KCNH1: variants seen among roughly 807,000 people sequenced by gnomAD.
KCNH1 encodes the protein potassium voltage-gated channel subfamily H member 1, also known as voltage-gated delayed rectifier potassium channel KCNH1.
In KCNH1, 27 loss-of-function variants were observed where a neutral mutation model predicts 69.2. The observed-to-expected ratio is 0.39, with a 90% CI of 0.29 to 0.54. The LOEUF is 0.54. Among genes scored for constraint, KCNH1 ranks in the 20% least tolerant of loss-of-function variants. The probability of loss-of-function intolerance (pLI) is 0.68; values close to 1 mark genes in which losing one functional copy is unlikely to be tolerated. For synonymous variants in KCNH1, 456 were observed against 487.7 expected (o/e 0.93, Z 0.86); for missense variants, 798 against 1,261.6 (o/e 0.63, Z 5.57).
intron 7 of KCNH1, among the ~76,000 whole-genome samples, chr1:210,846,013 A>G (rs1421791241): frequency 6.6e-6 from 1 of 152,232 alleles, no homozygotes; most frequent in Non-Finnish European, 1.5e-5. Context: ...CTGGGAATCC[A>G]ACTTACAAGG....
chr1:210,997,897 A>C (rs1170563844), intron 6 of KCNH1, among the ~76,000 whole-genome samples: 1 of 152,240 alleles, frequency 6.6e-6, no homozygotes, highest in Middle Eastern at 3.2e-3. Flanking sequence ...GCAGAATTTC[A>C]TATCCAGCCA....
At chr1:210,879,442 T>G (rs1355046690) in intron 7 of KCNH1, among the ~76,000 whole-genome samples, 1 of 151,980 alleles carries the variant, frequency 6.6e-6, no homozygotes, top group African/African-American at 2.4e-5. Context: ...GCAAGGCCAG[T>G]TCAACATTCA....
At chr1:210,925,133 A>G (rs553243628) in intron 6 of KCNH1, among the ~76,000 whole-genome samples, 3 of 152,356 alleles carry the variant, frequency 2.0e-5, no homozygotes, top group South Asian at 2.1e-4. Flanking sequence ...AAGGAACACA[A>G]TAATTCTCCA....
chr1:210,928,293 C>T lies in KCNH1; in HGVS notation c.1033-8224G>A, dbSNP rs183292762. On this transcript the variant is annotated intron_variant, in intron 6 of 10. Transcript: ENST00000271751. ...GGAACATCAGCACATGGAACATTCT[C>T]CAAGATAGACCATATGATAGGCCAC... Among the ~76,000 whole-genome samples, 8 of 152,230 alleles carry T rather than the reference C, an allele frequency of 5.3e-5. No homozygotes were observed. The East Asian group carries it at 1.5e-3, about 29-fold the overall frequency.
At chr1:210,936,694 T>C (rs1221665050) in intron 6 of KCNH1, among the ~76,000 whole-genome samples, 1 of 152,208 alleles carries the variant, frequency 6.6e-6, no homozygotes, top group East Asian at 1.9e-4. Context: ...TATCCTGGCT[T>C]CCCAGCCAAT....
At chr1:210,731,667 T>C (rs1045959471) in intron 10 of KCNH1, among the ~76,000 whole-genome samples, 1 of 152,164 alleles carries the variant, frequency 6.6e-6, no homozygotes, top group African/African-American at 2.4e-5. Flanking sequence ...CCAGATTAAA[T>C]TACCTCTTTA....
intron 7 of KCNH1, chr1:210,859,553 T>C: frequency 6.3e-7 from 1 of 1,583,634 alleles, no homozygotes; most frequent in Non-Finnish European, 8.7e-7. Context: ...AAATATTCTT[T>C]CCCATCTTCA....
intron 1 of KCNH1, among the ~76,000 whole-genome samples, chr1:211,127,083 C>T (rs190040120): frequency 6.6e-6 from 1 of 152,184 alleles, no homozygotes; most frequent in Non-Finnish European, 1.5e-5. Context: ...TGTTGGCCTC[C>T]GTCATAGATT....
chr1:210,988,018 A>T (rs1328121232), intron 6 of KCNH1, among the ~76,000 whole-genome samples: 1 of 152,150 alleles, frequency 6.6e-6, no homozygotes, highest in Non-Finnish European at 1.5e-5. Flanking sequence ...GACACCTTGC[A>T]GTTTGATCTC....
At chr1:210,853,946 C>CAAAAAAAAAAAA (rs11445997) in intron 7 of KCNH1, among the ~76,000 whole-genome samples, 952 of 61,378 alleles carry the variant, frequency 0.016, 115 homozygotes, top group African/African-American at 0.033. Flanking sequence ...TTATCTAAGC[C>CAAAAAAAAAAAA]AAAAAAAAAA....
chr1:210,819,598 G>C (rs1405369144), intron 7 of KCNH1, among the ~76,000 whole-genome samples: 2 of 150,448 alleles, frequency 1.3e-5, no homozygotes, highest in African/African-American at 4.9e-5. Context: ...TAGAAAAAAA[G>C]TTTAGGAAAA....
intron 9 of KCNH1, among the ~76,000 whole-genome samples, chr1:210,795,894 G>A (rs1459393865): frequency 2.0e-5 from 3 of 151,632 alleles, no homozygotes; most frequent in African/African-American, 7.3e-5. Flanking sequence ...AGGCCAAGGC[G>A]GGCAGATCAC....
chr1:210,925,202 C>T lies in KCNH1; in HGVS notation c.1033-5133G>A, dbSNP rs116448666. Among the ~76,000 whole-genome samples the T allele has an allele frequency of 8.4e-3, 1,283 of 152,314 alleles. 8 individuals carry two copies. Among genetic ancestry groups the T allele is most frequent in the Non-Finnish European group, 0.014 (948 of 68,038 alleles). On this transcript the variant is annotated intron_variant, in intron 6 of 10. Coordinates refer to ENST00000271751, the MANE Select transcript of KCNH1 (RefSeq NM_172362.3). ...ATGTCTAAAAAGGAATTCAAAACAA[C>T]GCTCTTAAAGAAACTCAGTGAGGAT...
At chr1:210,995,897 G>T (rs1689023500) in intron 6 of KCNH1, among the ~76,000 whole-genome samples, 1 of 152,116 alleles carries the variant, frequency 6.6e-6, no homozygotes, top group South Asian at 2.1e-4. Context: ...TGTGGGGGCT[G>T]AATAGAAAAA....
At chr1:211,121,080 A>G (rs1691674969) in intron 1 of KCNH1, among the ~76,000 whole-genome samples, 2 of 152,244 alleles carry the variant, frequency 1.3e-5, no homozygotes, top group Non-Finnish European at 2.9e-5. Context: ...ACAAGAATCA[A>G]TATCATGAAA....
intron 7 of KCNH1, among the ~76,000 whole-genome samples, chr1:210,819,713 T>C (rs1342217636): frequency 6.6e-6 from 1 of 152,226 alleles, no homozygotes; most frequent in Non-Finnish European, 1.5e-5. Flanking sequence ...CTTCCACTCT[T>C]CTGTTAATAG....
At chr1:210,855,403 C>A (rs560152486) in intron 7 of KCNH1, among the ~76,000 whole-genome samples, 2 of 152,338 alleles carry the variant, frequency 1.3e-5, no homozygotes, top group East Asian at 3.9e-4. Flanking sequence ...ACTCCACCCA[C>A]TCCAGTGGCC....
At chr1:210,786,404 T>G (rs1329494431) in intron 9 of KCNH1, among the ~76,000 whole-genome samples, 3 of 152,210 alleles carry the variant, frequency 2.0e-5, no homozygotes, top group Non-Finnish European at 4.4e-5. Flanking sequence ...CACTTGAAAA[T>G]GACCATTTGT....
chr1:210,885,502 T>G (rs1686584585), intron 7 of KCNH1, among the ~76,000 whole-genome samples: 1 of 151,866 alleles, frequency 6.6e-6, no homozygotes, highest in Non-Finnish European at 1.5e-5. Context: ...AGGAGTTTTT[T>G]TTTTCATACC....
Sources: allele counts gnomAD v4.1 joint callset (sites outside exome capture counted in the v4.1 genomes callset), GRCh38; gene constraint gnomAD v4.1.1; transcripts MANE v1.5; gene names NCBI Gene and HGNC (gene_info 2026-07-23, HGNC 2026-07-21).